The following MAP2K4 variants were observed in gnomAD, a reference collection of about 807,000 sequenced individuals.
MAP2K4 encodes mitogen-activated protein kinase kinase 4, also known as dual specificity mitogen-activated protein kinase kinase 4.
A neutral mutation model predicts 48.5 loss-of-function variants in MAP2K4; 4 were observed. That is an observed-to-expected ratio of 0.08 (90% CI 0.04 to 0.19). The LOEUF is 0.19. MAP2K4 is among the 10% of genes least tolerant of loss of function. The pLI is 1.00. For synonymous variants in MAP2K4, 166 were observed against 173.1 expected, an observed-to-expected ratio of 0.96 and a Z score of 0.32; for missense variants, 258 against 493.3, an observed-to-expected ratio of 0.52 and a Z score of 4.52.
At chr17:12,027,176 A>T (rs143988478) in intron 1 of MAP2K4, among the ~76,000 whole-genome samples, 1 of 152,134 alleles carries the variant, frequency 6.6e-6, no homozygotes, top group South Asian at 2.1e-4. Context: ...TTTAATGTGT[A>T]CTTAAATTAA....
At chr17:12,068,463 A>G (rs1363899358) in intron 2 of MAP2K4, among the ~76,000 whole-genome samples, 3 of 152,218 alleles carry the variant, frequency 2.0e-5, no homozygotes, top group Non-Finnish European at 2.9e-5. Flanking sequence ...CTTCAATAGT[A>G]TTAAATTGAT....
intron 3 of MAP2K4, among the ~76,000 whole-genome samples, chr17:12,083,117 T>C (rs979286210): frequency 2.0e-5 from 3 of 152,206 alleles, no homozygotes; most frequent in African/African-American, 7.2e-5. Flanking sequence ...CTTTTTACAG[T>C]TTGTGTTATG....
rs1283698963 is a variant in MAP2K4, at chr17:12,020,954, C to T, written c.68C>T (p.Pro23Leu). The change falls in exon 1 of 11, where the codon CCC (proline) becomes CTC (leucine). Residue 23 changes from proline to leucine, a missense_variant. By Grantham distance (98) the Pro-to-Leu change is moderately conservative. Transcript: ENST00000353533. Reference sequence around the variant, plus strand: ...GGCAGCGGCAGCGGCACCCCCGGCCCCGTAGGGTCCCCGGCGCCAGGCCAC... The same window carrying T: ...GGCAGCGGCAGCGGCACCCCCGGCCTCGTAGGGTCCCCGGCGCCAGGCCAC... ...GGGSGSGTPG[P>L]VGSPAPGHPA... The T allele has an allele frequency of 6.6e-6, 8 of 1,216,748 alleles. No individual in the cohort carries two copies. Among genetic ancestry groups the T allele is most frequent in the Non-Finnish European group, 8.2e-6 (8 of 978,568 alleles). 75.4% of individuals were successfully genotyped at this position (1,216,748 alleles called of 1,614,324 possible). A position where few individuals can be genotyped will look rare whatever the true frequency, so the allele number is the denominator to read the frequency against.
Position 12,020,942 on chromosome 17 carries a change from G to GCACCCC in MAP2K4, c.58_63dup (p.Thr20_Pro21dup), listed in dbSNP as rs1373829316. On this transcript the variant is annotated inframe_insertion, in exon 1 of 11. Coordinates refer to ENST00000353533, the MANE Select transcript of MAP2K4 (RefSeq NM_003010.4). ...GGCTCCGGGGGCGGCAGCGGCAGCG[G>GCACCCC]CACCCCCGGCCCCGTAGGGTCCCCG... 1 of 1,217,390 alleles carries GCACCCC rather than the reference G, an allele frequency of 8.2e-7. No individual in the cohort carries two copies. Among genetic ancestry groups the GCACCCC allele is most frequent in the Non-Finnish European group, 1.0e-6 (1 of 978,896 alleles). 75.4% of individuals were successfully genotyped at this position (1,217,390 alleles called of 1,614,324 possible). A position where few individuals can be genotyped will look rare whatever the true frequency, so the allele number is the denominator to read the frequency against.
At chr17:12,051,891 G>T (rs1199911430) in intron 1 of MAP2K4, among the ~76,000 whole-genome samples, 1 of 151,746 alleles carries the variant, frequency 6.6e-6, no homozygotes, top group Admixed American at 6.6e-5. Context: ...AGTACTTAGA[G>T]AAAGTGAATG....
chr17:12,036,265 T>C (rs1969595574), intron 1 of MAP2K4, among the ~76,000 whole-genome samples: 1 of 152,110 alleles, frequency 6.6e-6, no homozygotes, highest in Admixed American at 6.5e-5. Context: ...AGGGAAAAAA[T>C]ATTTTTCCAT....
At chr17:12,138,111 G>C (rs1413857177) in intron 9 of MAP2K4, among the ~76,000 whole-genome samples, 2 of 152,028 alleles carry the variant, frequency 1.3e-5, no homozygotes, top group Non-Finnish European at 2.9e-5. Context: ...TTGTCAGCCT[G>C]GTCCTAAAGT....
At chr17:12,063,219 A>G (rs566237513) in intron 2 of MAP2K4, among the ~76,000 whole-genome samples, 2 of 152,346 alleles carry the variant, frequency 1.3e-5, no homozygotes, top group African/African-American at 2.4e-5. Flanking sequence ...TTTCAAGGTT[A>G]TCTGTAACAC....
intron 2 of MAP2K4, among the ~76,000 whole-genome samples, chr17:12,065,592 G>T (rs1425999100): frequency 6.6e-6 from 1 of 151,916 alleles, no homozygotes; most frequent in Non-Finnish European, 1.5e-5. Flanking sequence ...GAGCCACTGC[G>T]CCTGGCCTAA....
chr17:12,120,873 G>A (rs1489009130), intron 7 of MAP2K4, among the ~76,000 whole-genome samples: 2 of 152,218 alleles, frequency 1.3e-5, no homozygotes, highest in African/African-American at 4.8e-5. Flanking sequence ...AAAGCTTGTA[G>A]CTGTTTGTTG....
chr17:12,030,413 A>G (rs1319802817), intron 1 of MAP2K4, among the ~76,000 whole-genome samples: 3 of 152,194 alleles, frequency 2.0e-5, no homozygotes, highest in African/African-American at 7.2e-5. Context: ...ATAATTAGAT[A>G]CAAAGAACAA....
intron 2 of MAP2K4, among the ~76,000 whole-genome samples, chr17:12,059,446 T>C (rs1970382653): frequency 6.6e-6 from 1 of 152,262 alleles, no homozygotes; most frequent in Non-Finnish European, 1.5e-5. Flanking sequence ...CTCAGTGTAC[T>C]GAGTCGTTTA....
intron 4 of MAP2K4, among the ~76,000 whole-genome samples, chr17:12,099,598 C>A (rs769781192): frequency 6.6e-6 from 1 of 152,036 alleles, no homozygotes; most frequent in Non-Finnish European, 1.5e-5. Context: ...GAACCAACCT[C>A]AAAAAGAAAA....
At chr17:12,129,043 G>A in intron 8 of MAP2K4, 96 bp from the exon 9 acceptor site, 1 of 1,190,128 alleles carries the variant, frequency 8.4e-7, no homozygotes, top group Non-Finnish European at 1.2e-6. Flanking sequence ...CTTTACTAGA[G>A]TTTTGCTTGT....
At position 12,080,337 on chromosome 17, in the gene MAP2K4, T is replaced by C. The variant is rs540600963; in HGVS notation, c.219-1019T>C. On this transcript the variant is annotated intron_variant, in intron 2 of 10. Coordinates refer to ENST00000353533, the MANE Select transcript of MAP2K4 (RefSeq NM_003010.4). ...ATGAAACTGAAAAATGTAGTTGATA[T>C]TTAATGAATTCTTTCATTGTGTGTA... Among the ~76,000 whole-genome samples the C allele has an allele frequency of 3.3e-5, 5 of 152,340 alleles. No homozygotes were observed. In the South Asian group the frequency reaches 1.0e-3, roughly 32 times the overall value.
At chr17:12,087,973 G>A (rs540537225) in intron 3 of MAP2K4, among the ~76,000 whole-genome samples, 2 of 152,094 alleles carry the variant, frequency 1.3e-5, no homozygotes, top group African/African-American at 2.4e-5. Flanking sequence ...GGAGGAACTC[G>A]TACCACAAAT....
In MAP2K4 at chr17:12,133,647, G is replaced by A. The variant is rs558900088; in HGVS notation, c.1040+4360G>A. ...AAATTCTTTATTTGTCCTGGGGGAA[G>A]AAAAAACAAAAAATGTTATTCTTGA... On this transcript the variant is annotated intron_variant, in intron 9 of 10. Coordinates refer to ENST00000353533, the MANE Select transcript of MAP2K4 (RefSeq NM_003010.4). Among the ~76,000 whole-genome samples, 945 of 152,010 alleles carry A rather than the reference G, an allele frequency of 6.2e-3. 2 individuals are homozygous for A. Among genetic ancestry groups the A allele is most frequent in the East Asian group, 0.036 (187 of 5,184 alleles).
chr17:12,071,866 G>C (rs1024531709), intron 2 of MAP2K4, among the ~76,000 whole-genome samples: 13 of 152,098 alleles, frequency 8.5e-5, no homozygotes, highest in African/African-American at 3.1e-4. Flanking sequence ...CAGGAGAGAA[G>C]GTCTGTGACA....
chr17:12,077,261 A>G (rs908453793), intron 2 of MAP2K4, among the ~76,000 whole-genome samples: 9 of 152,224 alleles, frequency 5.9e-5, no homozygotes, highest in African/African-American at 2.2e-4. Context: ...GCCCCCAGCC[A>G]CTAAATGCTG....
Sources: allele counts gnomAD v4.1 joint callset (sites outside exome capture counted in the v4.1 genomes callset), GRCh38; gene constraint gnomAD v4.1.1; transcripts MANE v1.5; gene names NCBI Gene and HGNC (gene_info 2026-07-23, HGNC 2026-07-21).